Variants in FBXL13 observed in about 807,000 individuals in gnomAD.
FBXL13 encodes the protein F-box and leucine rich repeat protein 13.
FBXL13 carries 67 observed loss-of-function variants against 83.6 expected under a neutral mutation model. The observed-to-expected ratio is 0.80, with a 90% CI of 0.66 to 0.98. FBXL13 has a LOEUF of 0.98. Ranked by LOEUF, FBXL13 falls within the 50% of genes least tolerant of loss-of-function variation. The pLI is 0.00. For missense variants in FBXL13, 822 were observed against 866.5 expected (o/e 0.95, Z 0.64); for synonymous variants, 272 against 299.5 (o/e 0.91, Z 0.95).
chr7:102,832,453 A>G (rs1277331807), intron 18 of FBXL13, among the ~76,000 whole-genome samples: 1 of 152,218 alleles, frequency 6.6e-6, no homozygotes, highest in Admixed American at 6.5e-5. Context: ...AAGGTTATGG[A>G]TTTAATAACT....
chr7:103,061,189 T>G (rs34282493), intron 1 of FBXL13, among the ~76,000 whole-genome samples: 3 of 151,418 alleles, frequency 2.0e-5, no homozygotes, highest in African/African-American at 7.3e-5. Context: ...TTTTTTTTTG[T>G]TTTTTTCTTT....
At chr7:102,962,483 G>T (rs530444493) in intron 8 of FBXL13, among the ~76,000 whole-genome samples, 2 of 152,166 alleles carry the variant, frequency 1.3e-5, no homozygotes, top group African/African-American at 4.8e-5. Context: ...CCATTACTGA[G>T]TATATACCCA....
chr7:103,011,903 G>C (rs1563216273), intron 6 of FBXL13, among the ~76,000 whole-genome samples: 1 of 152,122 alleles, frequency 6.6e-6, no homozygotes, highest in Non-Finnish European at 1.5e-5. Flanking sequence ...AAGAGAGGGA[G>C]AGAAACCAAG....
intron 8 of FBXL13, among the ~76,000 whole-genome samples, chr7:102,951,020 T>G (rs184097332): frequency 2.0e-4 from 31 of 152,270 alleles, no homozygotes; most frequent in African/African-American, 7.0e-4. Context: ...GTGATAATGA[T>G]GCGTAAATAT....
chr7:102,973,855 C>T, intron 6 of FBXL13: 1 of 699,914 alleles, frequency 1.4e-6, no homozygotes, highest in Non-Finnish European at 2.6e-6. Context: ...CAACATTGGT[C>T]CAAGAAGGCT....
At chr7:103,034,551 A>G (rs941555720) in intron 2 of FBXL13, among the ~76,000 whole-genome samples, 4 of 152,284 alleles carry the variant, frequency 2.6e-5, no homozygotes, top group African/African-American at 9.6e-5. Context: ...CCGCAAGCAC[A>G]GTGGGCAGCC....
intron 8 of FBXL13, among the ~76,000 whole-genome samples, chr7:102,955,172 C>G (rs1391244712): frequency 1.3e-5 from 2 of 152,146 alleles, no homozygotes; most frequent in Non-Finnish European, 2.9e-5. Context: ...TGTAAAACAA[C>G]AGAAATCACA....
chr7:102,907,962 G>A (rs549897662), intron 11 of FBXL13, among the ~76,000 whole-genome samples: 24 of 152,252 alleles, frequency 1.6e-4, no homozygotes, highest in Admixed American at 3.9e-4. Context: ...TTACATTGTC[G>A]GTGGGACTGT....
intron 6 of FBXL13, among the ~76,000 whole-genome samples, chr7:102,977,748 C>T (rs962188282): frequency 6.6e-6 from 1 of 152,158 alleles, no homozygotes; most frequent in Non-Finnish European, 1.5e-5. Context: ...CACATATGCA[C>T]CATGGAATAC....
At chr7:102,883,445 T>G (rs529516788) in exon 14 of FBXL13, 1 of 1,612,596 alleles carries the variant, frequency 6.2e-7, no homozygotes, top group South Asian at 1.1e-5. Context: ...ATTTGAAGGA[T>G]GCATCAGTAA....
intron 8 of FBXL13, chr7:102,939,302 CT>C: frequency 2.8e-6 from 2 of 725,034 alleles, no homozygotes; most frequent in South Asian, 4.4e-5. Context: ...TACTAACTTT[CT>C]TTGGCTTTAG....
chr7:102,966,001 TA>T lies in FBXL13; in HGVS notation c.591+2020del, dbSNP rs1326502437. Among the ~76,000 whole-genome samples the T allele has an allele frequency of 3.3e-5, 5 of 152,244 alleles. No homozygotes were observed. The East Asian group carries it at 9.6e-4, about 29-fold the overall frequency. On this transcript the variant is annotated intron_variant, in intron 7 of 19. Coordinates refer to ENST00000313221, the Ensembl canonical transcript of FBXL13. Reference sequence around the variant, plus strand: ...GCTCTAAAACTTAACTCAAAGAAATTAAAAGGAGTTGAGAAGGTTTCAGGGG... The same window carrying T: ...GCTCTAAAACTTAACTCAAAGAAATTAAAGGAGTTGAGAAGGTTTCAGGGG...
intron 1 of FBXL13, among the ~76,000 whole-genome samples, chr7:103,072,998 C>T (rs145416353): frequency 4.6e-5 from 7 of 152,256 alleles, no homozygotes; most frequent in African/African-American, 1.4e-4. Context: ...ATCACACAAC[C>T]GGGAAGATGG....
At chr7:102,966,079 C>T (rs527912466) in intron 7 of FBXL13, among the ~76,000 whole-genome samples, 25 of 152,314 alleles carry the variant, frequency 1.6e-4, no homozygotes, top group African/African-American at 5.8e-4. Flanking sequence ...TGGACAACAT[C>T]CCATTCTTGG....
At chr7:102,982,800 C>T (rs1407026470) in intron 6 of FBXL13, among the ~76,000 whole-genome samples, 1 of 152,146 alleles carries the variant, frequency 6.6e-6, no homozygotes, top group Non-Finnish European at 1.5e-5. Flanking sequence ...CCCACCCAGT[C>T]TTGGGTATGT....
chr7:102,985,405 A>G (rs1828820772), intron 6 of FBXL13, among the ~76,000 whole-genome samples: 1 of 152,186 alleles, frequency 6.6e-6, no homozygotes, highest in Non-Finnish European at 1.5e-5. Flanking sequence ...ATTCCACACA[A>G]TAAAAGATAT....
intron 6 of FBXL13, among the ~76,000 whole-genome samples, chr7:102,976,989 AC>A (rs1414567098): frequency 6.6e-6 from 1 of 151,978 alleles, no homozygotes; most frequent in Admixed American, 6.5e-5. Flanking sequence ...ATTCCATTAC[AC>A]CCTGATTCCC....
chr7:102,944,582 G>C (rs1402817580), intron 8 of FBXL13: 1 of 1,609,222 alleles, frequency 6.2e-7, no homozygotes, highest in African/African-American at 1.3e-5. Flanking sequence ...AAGAAGCAAA[G>C]CGTAATAATT....
rs10694618 is a variant in FBXL13 at position 102,878,462 on chromosome 7, A to AGT, written c.1389-13_1389-12insAC. 0.2 allele frequency: 316,833 copies of AGT among 1,564,928 alleles called. 38,274 individuals are homozygous for AGT. Among genetic ancestry groups the AGT allele is most frequent in the East Asian group, 0.58 (25,202 of 43,308 alleles). Reference sequence around the variant, plus strand: ...CCATATCACCAATTCTGTAGGAAAGAGAGAAAAATTTTACATGTGATTCTA... The same window carrying AGT: ...CCATATCACCAATTCTGTAGGAAAGAGTGAGAAAAATTTTACATGTGATTCTA... On this transcript the variant is annotated splice_polypyrimidine_tract_variant and intron_variant, in intron 14 of 19. Coordinates refer to ENST00000313221, the Ensembl canonical transcript of FBXL13.
Sources: allele counts gnomAD v4.1 joint callset (sites outside exome capture counted in the v4.1 genomes callset), GRCh38; gene constraint gnomAD v4.1.1; transcripts MANE v1.5; gene names NCBI Gene and HGNC (gene_info 2026-07-23, HGNC 2026-07-21).